Variants in SPRY3 observed in about 807,000 individuals in gnomAD.
The protein encoded by SPRY3 is protein sprouty homolog 3.
Under a neutral mutation model 20.2 loss-of-function variants are expected in SPRY3, and 15 were observed. The ratio of observed to expected loss-of-function variants is 0.74; its 90% confidence interval spans 0.50 to 1.14. The LOEUF is 1.14. SPRY3 is among the 50% of genes most tolerant of loss of function. The pLI is 0.00. For synonymous variants in SPRY3, 143 were observed against 136.5 expected (o/e 1.05, Z -0.33); for missense variants, 364 against 363.9 (o/e 1.00, Z 0.00).
chrX:155,767,636 G>T (rs192300265), intron 2 of SPRY3, among the ~76,000 whole-genome samples: 1 of 147,810 alleles, frequency 6.8e-6, no homozygotes, highest in Non-Finnish European at 1.5e-5. Context: ...ATACTGGAGG[G>T]GGAGGGGGAA....
chrX:155,753,258 C>G (rs2091271250), intron 2 of SPRY3, among the ~76,000 whole-genome samples: 1 of 151,930 alleles, frequency 6.6e-6, no homozygotes, highest in Non-Finnish European at 1.5e-5. Context: ...CTCACAATTT[C>G]TCCTTTCCCT....
intron 2 of SPRY3, among the ~76,000 whole-genome samples, chrX:155,750,706 A>G (rs1468083446): frequency 6.6e-6 from 1 of 151,858 alleles, no homozygotes; most frequent in Non-Finnish European, 1.5e-5. Context: ...AGAATGGAGT[A>G]CTAGATTTTG....
chrX:155,615,582 G>A (rs1298901130), intron 1 of SPRY3, among the ~76,000 whole-genome samples: 2 of 112,094 alleles, frequency 1.8e-5, no homozygotes, highest in Non-Finnish European at 3.8e-5. Flanking sequence ...ACAGTGCAAT[G>A]TTGAATTTGG....
chrX:155,614,892 A>C lies in SPRY3; in HGVS notation c.-441+2245A>C, dbSNP rs1391037470. Among the ~76,000 whole-genome samples, 3 of 111,537 alleles carry C rather than the reference A, an allele frequency of 2.7e-5. No individual in the cohort carries two copies. In the Admixed American group the frequency reaches 2.8e-4, roughly 11 times the overall value. On this transcript the variant is annotated intron_variant, in intron 1 of 3. Coordinates refer to ENST00000675360, the Ensembl canonical transcript of SPRY3. Reference sequence around the variant, plus strand: ...GCTAGAAAACAAAATAGAAAAAAACAATAGTATCTGGGTCTTTTTATGTTC... The same window carrying C: ...GCTAGAAAACAAAATAGAAAAAAACCATAGTATCTGGGTCTTTTTATGTTC...
chrX:155,728,388 CT>C (rs1286463544), intron 2 of SPRY3, among the ~76,000 whole-genome samples: 9 of 152,216 alleles, frequency 5.9e-5, no homozygotes, highest in African/African-American at 2.2e-4. Context: ...TTTCTGCTGC[CT>C]TTTGTTCAGC....
intron 2 of SPRY3, among the ~76,000 whole-genome samples, chrX:155,673,607 C>T (rs2068050591): frequency 8.9e-6 from 1 of 111,998 alleles, no homozygotes; most frequent in Non-Finnish European, 1.9e-5. Context: ...TCAGACTGTT[C>T]CAAGCTTTAC....
At chrX:155,757,641 A>G (rs2124588621) in intron 2 of SPRY3, among the ~76,000 whole-genome samples, 1 of 152,268 alleles carries the variant, frequency 6.6e-6, no homozygotes, top group African/African-American at 2.4e-5. Context: ...TGATACATCC[A>G]AGGATCATTT....
intron 2 of SPRY3, among the ~76,000 whole-genome samples, chrX:155,670,499 A>G (rs1242473988): frequency 8.9e-6 from 1 of 112,048 alleles, no homozygotes; most frequent in Non-Finnish European, 1.9e-5. Context: ...CAGGAGAATG[A>G]GTCCTTGTTT....
intron 1 of SPRY3, among the ~76,000 whole-genome samples, chrX:155,633,030 G>A (rs1174682338): frequency 9.0e-6 from 1 of 111,307 alleles, no homozygotes; most frequent in Non-Finnish European, 1.9e-5. Flanking sequence ...ACTTTAACTG[G>A]AAATAAGGAC....
At chrX:155,758,730 C>T (rs1239729846) in intron 2 of SPRY3, among the ~76,000 whole-genome samples, 3 of 152,132 alleles carry the variant, frequency 2.0e-5, no homozygotes, top group African/African-American at 7.2e-5. Context: ...AAAAACAAAA[C>T]ATGACAAAAT....
intron 1 of SPRY3, among the ~76,000 whole-genome samples, chrX:155,641,706 T>C (rs1377596173): frequency 4.3e-5 from 5 of 115,148 alleles, no homozygotes; most frequent in African/African-American, 1.6e-4. Context: ...TTATCTACTT[T>C]ATGACCTTGC....
chrX:155,616,134 T>TCTCTCTCTCTCTCTCTCTCTCCC (rs1557348870), intron 1 of SPRY3, among the ~76,000 whole-genome samples: 1 of 58,431 alleles, frequency 1.7e-5, no homozygotes, highest in Non-Finnish European at 4.2e-5. Flanking sequence ...CTCTCTCCTC[T>TCTCTCTCTCTCTCTCTCTCTCCC]CTCTCTCTCT....
chrX:155,747,357 C>T (rs1327823784), intron 2 of SPRY3, among the ~76,000 whole-genome samples: 2 of 151,796 alleles, frequency 1.3e-5, no homozygotes, highest in Non-Finnish European at 2.9e-5. Flanking sequence ...AGCTAAGACC[C>T]ACCTCCTTAA....
chrX:155,766,473 C>G (rs1199281103), intron 2 of SPRY3, among the ~76,000 whole-genome samples: 3 of 152,148 alleles, frequency 2.0e-5, no homozygotes, highest in African/African-American at 7.2e-5. Flanking sequence ...TTGTTTTACT[C>G]TGAACTGTCA....
At chrX:155,660,713 A>C (rs1338606645) in intron 2 of SPRY3, among the ~76,000 whole-genome samples, 1 of 108,712 alleles carries the variant, frequency 9.2e-6, no homozygotes, top group Non-Finnish European at 1.9e-5. Context: ...TGTTGTGTGC[A>C]TATCTATCTA....
At chrX:155,684,003 G>T (rs2068080823) in intron 2 of SPRY3, among the ~76,000 whole-genome samples, 1 of 110,736 alleles carries the variant, frequency 9.0e-6, no homozygotes. Context: ...GGTCAAGGAA[G>T]ATGGGGGCCG....
intron 2 of SPRY3, among the ~76,000 whole-genome samples, chrX:155,744,512 C>T (rs928193977): frequency 2.0e-5 from 3 of 152,042 alleles, no homozygotes; most frequent in African/African-American, 7.2e-5. Context: ...GGTTTCACTT[C>T]GGATTCCAAA....
In SPRY3 at chrX:155,771,156, CA is replaced by C. The variant is rs1569401741; in HGVS notation, c.-106-2608del. ...CTTTTAATCATCCAACCAAGCATCT[CA>C]ATTTATCAGTCTTGCAGAAATCGAA... On this transcript the variant is annotated intron_variant, in intron 3 of 3. Transcript: ENST00000675360. Among the ~76,000 whole-genome samples, 5 of 152,284 alleles carry C rather than the reference CA, an allele frequency of 3.3e-5. No individual in the cohort carries two copies. In the South Asian group the frequency reaches 1.0e-3, roughly 32 times the overall value.
intron 2 of SPRY3, among the ~76,000 whole-genome samples, chrX:155,710,857 A>C (rs111974034): frequency 1.1e-3 from 163 of 151,468 alleles, no homozygotes; most frequent in African/African-American, 3.8e-3. Flanking sequence ...AGGTTTTTTT[A>C]GGGTTTTTCT....
Sources: gnomAD v4.1 joint callset for allele counts (sites outside exome capture counted in the v4.1 genomes callset) on GRCh38, gnomAD v4.1.1 for gene constraint, MANE v1.5 for transcripts, NCBI Gene and HGNC (gene_info 2026-07-23, HGNC 2026-07-21) for gene names.